The following ZFYVE1 variants were observed in gnomAD, a reference collection of about 807,000 sequenced individuals.
ZFYVE1 encodes the protein zinc finger FYVE-type containing 1.
Under a neutral mutation model 74.4 loss-of-function variants are expected in ZFYVE1, and 30 were observed. The observed-to-expected ratio is 0.40, with a 90% CI of 0.30 to 0.55. The LOEUF (loss-of-function observed/expected upper bound fraction) is 0.55. ZFYVE1 is among the 20% of genes least tolerant of loss of function. The pLI is 0.42. For missense variants in ZFYVE1, 703 were observed against 1,011.6 expected (o/e 0.69, Z 4.14); for synonymous variants, 335 against 385.1 (o/e 0.87, Z 1.52).
intron 3 of ZFYVE1, among the ~76,000 whole-genome samples, chr14:72,997,027 C>A (rs549708481): frequency 8.5e-5 from 13 of 152,248 alleles, no homozygotes; most frequent in African/African-American, 2.6e-4. Context: ...TAAGAACTTA[C>A]ACACACACGT....
intron 8 of ZFYVE1, among the ~76,000 whole-genome samples, chr14:72,976,207 TGAAG>T (rs138557601): frequency 0.072 from 10,999 of 152,064 alleles, 553 homozygotes; most frequent in South Asian, 0.19. Flanking sequence ...GAATAATGAA[TGAAG>T]GAAGGAAGGA....
At chr14:73,019,320 C>A (rs749074788) in intron 2 of ZFYVE1, among the ~76,000 whole-genome samples, 3 of 152,018 alleles carry the variant, frequency 2.0e-5, no homozygotes, top group South Asian at 4.2e-4. Context: ...GTGGTGCATA[C>A]CTGTAGTCTC....
Position 72,974,813 on chromosome 14 carries a change from A to G in ZFYVE1, c.1953T>C (p.Cys651=). 6.2e-7 allele frequency: 1 copy of G among 1,608,242 alleles called. No individual in the cohort carries two copies. The highest frequency in any genetic ancestry group is 1.1e-5 in the South Asian group (1 of 90,964). Residue 651 remains cysteine (C), a synonymous_variant, in exon 10 of 12, where the codon TGT becomes TGC. Coordinates refer to ENST00000556143, the MANE Select transcript of ZFYVE1 (RefSeq NM_021260.4). ...RGWGPAPVRV[C]DNCYEARNVQ... is the part of the protein sequence containing the mutation. ...CGTTCCTGGCTTCGTAGCAGTTGTC[A>G]CAGACCCGCACTGGCGCAGGGCCCC... is the stretch of plus-strand genomic sequence containing the variant.
chr14:72,993,527 T>G (rs1893673355), intron 3 of ZFYVE1, among the ~76,000 whole-genome samples, 170 bp from the exon 4 acceptor site: 9 of 151,640 alleles, frequency 5.9e-5, no homozygotes, highest in Admixed American at 5.9e-4. Context: ...TGAAACCCTG[T>G]CTCTACTAAT....
chr14:72,978,565 T>TG, intron 6 of ZFYVE1, among the ~76,000 whole-genome samples: 1 of 34,158 alleles, frequency 2.9e-5, no homozygotes, highest in Non-Finnish European at 4.9e-5. Flanking sequence ...AGACTCTGTC[T>TG]CAAAAAAAAA....
rs370188500 is a variant in ZFYVE1 at position 72,993,312 on chromosome 14, C to T, written c.1034G>A (p.Arg345Gln). 6.0e-5 allele frequency: 97 copies of T among 1,613,224 alleles called. No individual in the cohort carries two copies. The highest frequency in any genetic ancestry group is 7.8e-5 in the Non-Finnish European group (92 of 1,179,908). Residue 345 changes from arginine (R) to glutamine (Q), a missense_variant, in exon 4 of 12, where the codon CGG becomes CAG. Physicochemically the swap from Arg to Gln is conservative, Grantham distance 43. Coordinates refer to ENST00000556143, the MANE Select transcript of ZFYVE1 (RefSeq NM_021260.4). The part of the protein sequence containing the change: ...VPEKLIQDRF[R>Q]KLGRFPEAFS... ...GGCTTCAGGGAAACGGCCCAGCTTC[C>T]GGAACCGGTCCTGGATGAGCTTCTC...
intron 3 of ZFYVE1, 97 bp from the exon 4 acceptor site, chr14:72,993,454 G>GCAGGGTTA: frequency 8.5e-7 from 1 of 1,172,488 alleles, no homozygotes; most frequent in South Asian, 1.7e-5. Context: ...TGTAACCCTA[G>GCAGGGTTA]CACTTTGGGA....
intron 2 of ZFYVE1, among the ~76,000 whole-genome samples, chr14:73,009,961 G>A (rs1159369270): frequency 6.6e-6 from 1 of 152,070 alleles, no homozygotes; most frequent in African/African-American, 2.4e-5. Context: ...CAATCAGTTA[G>A]CTGGGCATGG....
At chr14:73,016,838 C>A (rs1327230418) in intron 2 of ZFYVE1, among the ~76,000 whole-genome samples, 1 of 152,094 alleles carries the variant, frequency 6.6e-6, no homozygotes, top group Admixed American at 6.6e-5. Flanking sequence ...TGTGCCACTG[C>A]ACTCCAGCCT....
chr14:73,001,744 C>CTGAGATGGGCAGATCATCTGAGG lies in ZFYVE1; in HGVS notation c.484-3430_484-3429insCCTCAGATGATCTGCCCATCTCA, dbSNP rs552296164. ...CCTGTAATCCCAGCACTTTGGGAGG[C>CTGAGATGGGCAGATCATCTGAGG]TCGAGACCAGCCTGACCAACATGGA... On this transcript the variant is annotated intron_variant, in intron 2 of 11. Coordinates refer to ENST00000556143, the MANE Select transcript of ZFYVE1 (RefSeq NM_021260.4). 3.8e-3 allele frequency among the ~76,000 whole-genome samples: 519 copies of CTGAGATGGGCAGATCATCTGAGG among 138,020 alleles called. 26 individuals are homozygous for CTGAGATGGGCAGATCATCTGAGG. Among genetic ancestry groups the CTGAGATGGGCAGATCATCTGAGG allele is most frequent in the African/African-American group, 0.013 (436 of 34,800 alleles). 90.5% of individuals were successfully genotyped at this position (138,020 alleles called of 152,430 possible).
intron 10 of ZFYVE1, 141 bp from the exon 11 acceptor site, chr14:72,974,334 T>C (rs1012040403): frequency 1.3e-6 from 1 of 772,910 alleles, no homozygotes; most frequent in Non-Finnish European, 2.2e-6. Context: ...GGGTCTGTGC[T>C]GTGGGTCAGG....
chr14:72,990,946 C>T (rs1459352821), intron 4 of ZFYVE1, among the ~76,000 whole-genome samples: 1 of 151,708 alleles, frequency 6.6e-6, no homozygotes, highest in Admixed American at 6.6e-5. Flanking sequence ...GTGACCTGCC[C>T]ACCTCCGCCT....
At chr14:73,003,802 G>C (rs1594854660) in intron 2 of ZFYVE1, among the ~76,000 whole-genome samples, 2 of 152,270 alleles carry the variant, frequency 1.3e-5, no homozygotes, top group South Asian at 2.1e-4. Context: ...AATACTAACA[G>C]TTCACTGAAT....
chr14:72,998,086 C>T lies in ZFYVE1; in HGVS notation c.713G>A (p.Gly238Glu). ...TAGATTCACGGTGGCCCCCAGGAGC[C>T]CTTCCGTATCGATCACTGCTACTTT... ...VHKVAVIDTE[G>E]LLGATVNLSQ... Residue 238 changes from glycine to glutamate, a missense_variant, in exon 3 of 12, where the codon GGG becomes GAG. This residue lies in a region of ZFYVE1 where 492 missense variants were observed against 790.0 expected (regional missense o/e 0.62). Transcript: ENST00000556143. The T allele has an allele frequency of 3.1e-6, 5 of 1,613,982 alleles. No individual in the cohort carries two copies. The highest frequency in any genetic ancestry group is 4.2e-6 in the Non-Finnish European group (5 of 1,179,986).
In ZFYVE1 at chr14:73,026,921, C is replaced by A; in HGVS notation, c.-435+5G>T. 1 of 395,220 alleles carries A rather than the reference C, an allele frequency of 2.5e-6. No homozygotes were observed. Among genetic ancestry groups the A allele is most frequent in the South Asian group, 1.3e-4 (1 of 7,826 alleles). 24.5% of individuals were successfully genotyped at this position (395,220 alleles called of 1,614,324 possible). A position where few individuals can be genotyped will look rare whatever the true frequency, so the allele number is the denominator to read the frequency against. ...GCCCTGCCCGCCGCGGCCCGGGGAT[C>A]CCACCACTGAGAAGCTCGGCCGCAG... On this transcript the variant is annotated splice_donor_5th_base_variant and intron_variant, in intron 1 of 11. Coordinates refer to ENST00000556143, the MANE Select transcript of ZFYVE1 (RefSeq NM_021260.4).
Position 72,975,874 on chromosome 14 carries a change from T to C in ZFYVE1, c.1636-153A>G. Reference sequence around the variant, plus strand: ...AACGGAGACACACCAGGAATCCCTCTGGCTTTATTCTCTTCAAAGTGACCA... The same window carrying C: ...AACGGAGACACACCAGGAATCCCTCCGGCTTTATTCTCTTCAAAGTGACCA... On this transcript the variant is annotated intron_variant, in intron 8 of 11. Coordinates refer to ENST00000556143, the MANE Select transcript of ZFYVE1 (RefSeq NM_021260.4). This position sits in a 1 kb window ranked among gnomAD's most constrained non-coding sequence, Gnocchi z 4.1. The C allele has an allele frequency of 1.2e-6, 1 of 824,372 alleles. No homozygotes were observed. The allele number at this position is 824,372 out of a possible 1,614,324, so 51.1% of individuals were successfully genotyped here.
In ZFYVE1 at chr14:72,978,154, T is replaced by C. The variant is rs745959300; in HGVS notation, c.1500A>G (p.Ala500=). The stretch of plus-strand genomic sequence containing the variant: ...AAACTCACCCAGACCAGGCATATTT[T>C]GCGAGACCCATCCAGGGGGAGTCAG... ...ASTDSPWMGL[A]KYAWSGYVIE... is the part of the protein sequence containing the mutation. Residue 500 remains alanine, a synonymous_variant, in exon 7 of 12, where the codon GCA becomes GCG. Transcript: ENST00000556143. 6.2e-7 allele frequency: 1 copy of C among 1,614,208 alleles called. No homozygotes were observed. The highest frequency in any genetic ancestry group is 8.5e-7 in the Non-Finnish European group (1 of 1,180,030).
chr14:73,015,298 A>AAGGGAGGG lies in ZFYVE1; in HGVS notation c.483+8720_483+8727dup, dbSNP rs1385168209. Among the ~76,000 whole-genome samples the AAGGGAGGG allele has an allele frequency of 9.3e-4, 67 of 71,910 alleles. 1 individual carries two copies. Among genetic ancestry groups the AAGGGAGGG allele is most frequent in the Admixed American group, 1.8e-3 (11 of 6,102 alleles). 47.2% of individuals were successfully genotyped at this position (71,910 alleles called of 152,430 possible). ...GAAGGAAGGAAGGAAGGAAGGAAAG[A>AAGGGAGGG]AGGGAGGGAGGGAGGGAGGGAAGGG... On this transcript the variant is annotated intron_variant, in intron 2 of 11. Coordinates refer to ENST00000556143, the MANE Select transcript of ZFYVE1 (RefSeq NM_021260.4).
Position 73,002,893 on chromosome 14 carries a change from C to T in ZFYVE1, c.484-4578G>A, listed in dbSNP as rs761422457. 1.5e-4 allele frequency among the ~76,000 whole-genome samples: 22 copies of T among 151,334 alleles called. No individual in the cohort carries two copies. The South Asian group carries it at 2.9e-3, about 20-fold the overall frequency. On this transcript the variant is annotated intron_variant, in intron 2 of 11. Transcript: ENST00000556143. Reference sequence around the variant, plus strand: ...AGTAGCTGGGACTACAGGCGCCCGCCACCACGCCCGGCTAATTTTTTGTAT... The same window carrying T: ...AGTAGCTGGGACTACAGGCGCCCGCTACCACGCCCGGCTAATTTTTTGTAT...
Sources: allele counts gnomAD v4.1 joint callset (sites outside exome capture counted in the v4.1 genomes callset), GRCh38; gene constraint gnomAD v4.1.1; regional missense constraint gnomAD v4.1.1; non-coding constraint Gnocchi (gnomAD v3.1); transcripts MANE v1.5; gene names NCBI Gene and HGNC (gene_info 2026-07-23, HGNC 2026-07-21).